Variants in FOXN3 observed in about 807,000 individuals in gnomAD.
FOXN3 encodes the protein forkhead box N3, also known as forkhead box protein N3.
A neutral mutation model predicts 38.4 loss-of-function variants in FOXN3; 7 were observed. The ratio of observed to expected loss-of-function variants is 0.18; its 90% CI spans 0.10 to 0.34. The LOEUF is 0.34. Ranked by LOEUF, FOXN3 falls within the 10% of genes least tolerant of loss-of-function variation. The pLI, the probability that FOXN3 is intolerant of heterozygous loss-of-function variation, is 1.00. For missense variants in FOXN3, 456 were observed against 613.4 expected, an observed-to-expected ratio of 0.74 and a Z score of 2.71; for synonymous variants, 230 against 242.2, an observed-to-expected ratio of 0.95 and a Z score of 0.47.
intron 1 of FOXN3, among the ~76,000 whole-genome samples, chr14:89,413,263 A>G (rs985225692): frequency 6.6e-6 from 1 of 152,230 alleles, no homozygotes; most frequent in East Asian, 1.9e-4. Flanking sequence ...CGCTAAAACA[A>G]TATGCTTGGT....
chr14:89,162,260 T>A lies in FOXN3; in HGVS notation c.*154A>T. 1 of 652,346 alleles carries A rather than the reference T, an allele frequency of 1.5e-6. No homozygotes were observed. The highest frequency in any genetic ancestry group is 3.0e-5 in the East Asian group (1 of 33,098). The allele number at this position is 652,346 out of a possible 1,614,324, so 40.4% of individuals were successfully genotyped here. A position where few individuals can be genotyped will look rare whatever the true frequency, so the allele number is the denominator to read the frequency against. On this transcript the variant is annotated 3_prime_UTR_variant, in exon 6 of 6. Transcript: ENST00000557258. The surrounding 1 kb of genome is among the most constrained non-coding windows in gnomAD (Gnocchi z 7.2). ...TCCAAAACAAAGAAGAGGGGGCAAA[T>A]TAAAACAAAATAAAAGGAAAAGAAA... is the stretch of plus-strand genomic sequence containing the variant.
At chr14:89,545,294 G>A (rs1045581433) in intron 1 of FOXN3, among the ~76,000 whole-genome samples, 4 of 152,216 alleles carry the variant, frequency 2.6e-5, no homozygotes, top group African/African-American at 9.7e-5. Flanking sequence ...TTGCAACCCT[G>A]AACCTGGGAT....
intron 2 of FOXN3, among the ~76,000 whole-genome samples, chr14:89,400,984 G>T (rs529327448): frequency 6.6e-6 from 1 of 152,196 alleles, no homozygotes; most frequent in Non-Finnish European, 1.5e-5. Flanking sequence ...GGAAGGTCTA[G>T]GAGAGCAGCC....
chr14:89,536,720 G>C (rs1894694984), intron 1 of FOXN3, among the ~76,000 whole-genome samples: 1 of 152,048 alleles, frequency 6.6e-6, no homozygotes, highest in African/African-American at 2.4e-5. Context: ...GGAGGTTGCA[G>C]TGAGCCGAGA....
intron 2 of FOXN3, among the ~76,000 whole-genome samples, chr14:89,387,499 CAGCT>C (rs1427707822): frequency 2.0e-5 from 3 of 152,338 alleles, no homozygotes; most frequent in African/African-American, 7.2e-5. Flanking sequence ...GAAGGACACA[CAGCT>C]AGCAAGTCGT....
intron 1 of FOXN3, among the ~76,000 whole-genome samples, chr14:89,504,702 G>A (rs749845153): frequency 6.6e-6 from 1 of 152,156 alleles, no homozygotes; most frequent in Non-Finnish European, 1.5e-5. Context: ...TCTGAGGAGT[G>A]GCTTCACAGT....
At chr14:89,295,686 C>T (rs898005946) in intron 3 of FOXN3, among the ~76,000 whole-genome samples, 1 of 151,868 alleles carries the variant, frequency 6.6e-6, no homozygotes, top group Non-Finnish European at 1.5e-5. Flanking sequence ...CTTGCAGGCT[C>T]AAGCAATACT....
At position 89,173,918 on chromosome 14, in the gene FOXN3, G is replaced by A. The variant is rs111723527; in HGVS notation, c.851+6783C>T. On this transcript the variant is annotated intron_variant, in intron 5 of 5. Transcript: ENST00000557258. Reference sequence around the variant, plus strand: ...AGAGGTGGTAGGATCACTTGAGCCCGGGAGGATGAGGCTGCAGTGAGCCGT... The same window carrying A: ...AGAGGTGGTAGGATCACTTGAGCCCAGGAGGATGAGGCTGCAGTGAGCCGT... 3.4e-3 allele frequency among the ~76,000 whole-genome samples: 523 copies of A among 152,256 alleles called. 4 individuals are homozygous for A. Among genetic ancestry groups the A allele is most frequent in the African/African-American group, 0.012 (492 of 41,542 alleles).
At position 89,548,095 on chromosome 14, in the gene FOXN3, T is replaced by C. The variant is rs1006116279; in HGVS notation, c.-15+70933A>G. 1.2e-4 allele frequency among the ~76,000 whole-genome samples: 19 copies of C among 152,186 alleles called. No individual in the cohort carries two copies. Among genetic ancestry groups the C allele is most frequent in the African/African-American group, 4.6e-4 (19 of 41,446 alleles). ...CACACCTCTGTTCAATTATTCACGA[T>C]AGAACACTTGAGTTGAAATAAAAAA... On this transcript the variant is annotated intron_variant, in intron 1 of 6. Transcript: ENST00000345097. The surrounding 1 kb of genome is among the most constrained non-coding windows in gnomAD (Gnocchi z 4.8).
intron 1 of FOXN3, among the ~76,000 whole-genome samples, chr14:89,529,969 C>G (rs939992173): frequency 2.7e-5 from 4 of 148,508 alleles, no homozygotes; most frequent in Non-Finnish European, 4.4e-5. Flanking sequence ...GATACAGGGT[C>G]TCACTCTGTT....
chr14:89,414,031 T>C (rs1012224786), intron 1 of FOXN3, among the ~76,000 whole-genome samples: 1 of 151,342 alleles, frequency 6.6e-6, no homozygotes, highest in African/African-American at 2.4e-5. Flanking sequence ...AGCAAAGACA[T>C]AGGCCAGGCA....
At chr14:89,455,318 T>TA (rs1215101048) in intron 1 of FOXN3, among the ~76,000 whole-genome samples, 2 of 152,206 alleles carry the variant, frequency 1.3e-5, no homozygotes, top group Non-Finnish European at 2.9e-5. Flanking sequence ...CATCTGGAGT[T>TA]AGAGTCAGCC....
At chr14:89,294,418 G>C (rs1048717284) in intron 3 of FOXN3, among the ~76,000 whole-genome samples, 1 of 152,134 alleles carries the variant, frequency 6.6e-6, no homozygotes, top group Admixed American at 6.5e-5. Context: ...TTCATTCGAA[G>C]AGTTTGGTGG....
At chr14:89,222,449 G>A (rs1279942494) in intron 4 of FOXN3, among the ~76,000 whole-genome samples, 1 of 152,214 alleles carries the variant, frequency 6.6e-6, no homozygotes, top group East Asian at 1.9e-4. Flanking sequence ...GACAGCCAGA[G>A]GGCAGGGGAC....
chr14:89,519,147 C>T (rs1180056142), intron 1 of FOXN3, among the ~76,000 whole-genome samples: 1 of 152,074 alleles, frequency 6.6e-6, no homozygotes, highest in African/African-American at 2.4e-5. Flanking sequence ...TGGGGAGAAA[C>T]GGAGGTCAGA....
chr14:89,213,209 T>C (rs1369017508), intron 4 of FOXN3, among the ~76,000 whole-genome samples: 2 of 152,198 alleles, frequency 1.3e-5, no homozygotes, highest in Non-Finnish European at 2.9e-5. Context: ...ACAACCTCAG[T>C]TCAGCTCTGA....
Position 89,490,864 on chromosome 14 carries a change from A to G in FOXN3, c.-14-78374T>C, listed in dbSNP as rs547324070. 6.0e-4 allele frequency among the ~76,000 whole-genome samples: 92 copies of G among 152,378 alleles called. No individual in the cohort carries two copies. The Middle Eastern group carries it at 0.014, about 23-fold the overall frequency. On this transcript the variant is annotated intron_variant, in intron 1 of 6. Transcript: ENST00000345097. ...GGTTTTAAGAATTCAGTTAAATACAACAGTTCCATTACAGTATTATTCTAG... is the reference window on the plus strand; with the variant it reads ...GGTTTTAAGAATTCAGTTAAATACAGCAGTTCCATTACAGTATTATTCTAG...
intron 5 of FOXN3, among the ~76,000 whole-genome samples, chr14:89,176,596 T>C (rs942594972): frequency 1.3e-5 from 2 of 152,236 alleles, no homozygotes; most frequent in African/African-American, 4.8e-5. Context: ...ACATTCTGTG[T>C]TGTTCTAGTC....
rs1409775289 is a variant in FOXN3, at chr14:89,281,024, A to G, written c.681-10T>C. On this transcript the variant is annotated splice_polypyrimidine_tract_variant and intron_variant, in intron 3 of 5. Transcript: ENST00000557258. ...GGGTGGACCTGATGTGCTGAAAGAG[A>G]AAAGAAACTAGCATAAGGCCAAGTT... The G allele has an allele frequency of 6.2e-7, 1 of 1,612,504 alleles. No homozygotes were observed. Among genetic ancestry groups the G allele is most frequent in the South Asian group, 1.1e-5 (1 of 90,526 alleles).
Sources: allele counts gnomAD v4.1 joint callset (sites outside exome capture counted in the v4.1 genomes callset), GRCh38; gene constraint gnomAD v4.1.1; non-coding constraint Gnocchi (gnomAD v3.1); transcripts MANE v1.5; gene names NCBI Gene and HGNC (gene_info 2026-07-23, HGNC 2026-07-21).